The following QDPR variants were observed in gnomAD, a reference collection of about 807,000 sequenced individuals.
QDPR encodes quinoid dihydropteridine reductase.
Under a neutral mutation model 31.7 loss-of-function variants are expected in QDPR, and 23 were observed. The ratio of observed to expected loss-of-function variants is 0.73; its 90% confidence interval spans 0.52 to 1.03. QDPR has a LOEUF of 1.03. QDPR is among the 50% of genes least tolerant of loss of function. QDPR has a pLI of 0.00. For missense variants in QDPR, 324 were observed against 323.8 expected, an observed-to-expected ratio of 1.00 and a Z score of 0.00; for synonymous variants, 124 against 124.7, an observed-to-expected ratio of 0.99 and a Z score of 0.03.
At chr4:17,505,689 A>T (rs779962119) in intron 2 of QDPR, among the ~76,000 whole-genome samples, 1 of 152,184 alleles carries the variant, frequency 6.6e-6, no homozygotes, top group Non-Finnish European at 1.5e-5. Context: ...TCATCTCTAC[A>T]TTTAGTTTTT....
At chr4:17,492,469 A>G in intron 4 of QDPR, 129 bp from the exon 5 acceptor site, 1 of 765,506 alleles carries the variant, frequency 1.3e-6, no homozygotes, top group Non-Finnish European at 2.2e-6. Flanking sequence ...CTCCTCCTTC[A>G]GGTCAGACGC....
chr4:17,487,718 T>G (rs1718018284), intron 6 of QDPR, among the ~76,000 whole-genome samples: 1 of 152,124 alleles, frequency 6.6e-6, no homozygotes, highest in Admixed American at 6.5e-5. Flanking sequence ...ATCCCAGCAC[T>G]TTGAGATGCC....
intron 4 of QDPR, among the ~76,000 whole-genome samples, chr4:17,494,220 T>A (rs373119233): frequency 2.0e-5 from 3 of 150,606 alleles, no homozygotes; most frequent in Admixed American, 6.6e-5. Flanking sequence ...ACAGGGAGGG[T>A]CTCCAAGGAC....
intron 1 of QDPR, chr4:17,510,061 A>C (rs1015507606): frequency 4.7e-6 from 2 of 427,230 alleles, no homozygotes; most frequent in Non-Finnish European, 9.3e-6. Context: ...CTGAAATGTG[A>C]ATTTCATTAA....
At chr4:17,497,118 T>C (rs921038671) in intron 4 of QDPR, among the ~76,000 whole-genome samples, 1 of 152,074 alleles carries the variant, frequency 6.6e-6, no homozygotes, top group Non-Finnish European at 1.5e-5. Context: ...ACAGAATGCT[T>C]CCCAAAGGAC....
intron 2 of QDPR, 51 bp downstream of exon 2, chr4:17,509,220 A>T: frequency 1.5e-6 from 2 of 1,375,608 alleles, no homozygotes; most frequent in Non-Finnish European, 2.1e-6. Context: ...GCCAGTGGTC[A>T]CCTCTCCCCA....
rs1281848293 is a variant in QDPR, at chr4:17,487,153, T to C, written c.713A>G (p.Glu238Gly). The change falls in exon 7 of 7, where the codon GAA becomes GGA. Residue 238 changes from glutamate to glycine, a missense_variant. Transcript: ENST00000281243. ...IQVVTTEGRTELTPAYF is the reference protein window; with the variant it reads ...IQVVTTEGRTGLTPAYF ...GGCCTAAAAATATGCTGGGGTGAGTTCCGTCCTTCCTTCTGTGGTTACCAC... is the reference window on the plus strand; with the variant it reads ...GGCCTAAAAATATGCTGGGGTGAGTCCCGTCCTTCCTTCTGTGGTTACCAC... 1 of 1,614,180 alleles carries C rather than the reference T, an allele frequency of 6.2e-7. No individual in the cohort carries two copies. Among genetic ancestry groups the C allele is most frequent in the Non-Finnish European group, 8.5e-7 (1 of 1,180,012 alleles).
intron 4 of QDPR, among the ~76,000 whole-genome samples, chr4:17,500,114 C>T (rs1220149292): frequency 6.6e-6 from 1 of 152,072 alleles, no homozygotes. Flanking sequence ...CACCATCACG[C>T]CTGGCTAATT....
At chr4:17,510,414 T>C (rs1300824478) in intron 1 of QDPR, among the ~76,000 whole-genome samples, 1 of 152,240 alleles carries the variant, frequency 6.6e-6, no homozygotes, top group African/African-American at 2.4e-5. Context: ...CAGTCCTTAC[T>C]CAGGGTCTCT....
At chr4:17,494,918 T>C (rs142286136) in intron 4 of QDPR, among the ~76,000 whole-genome samples, 3 of 152,308 alleles carry the variant, frequency 2.0e-5, no homozygotes, top group East Asian at 3.9e-4. Context: ...GGAAGGAGAC[T>C]GCATCCAACA....
intron 2 of QDPR, among the ~76,000 whole-genome samples, chr4:17,505,652 G>A (rs1490986625): frequency 1.3e-5 from 2 of 152,176 alleles, no homozygotes; most frequent in African/African-American, 2.4e-5. Flanking sequence ...AGGAGTTCAA[G>A]ACCAGCCCGG....
rs544777803 is a variant in QDPR, at chr4:17,504,194, AG to A, written c.295+184del. Among the ~76,000 whole-genome samples the A allele has an allele frequency of 2.3e-4, 35 of 152,246 alleles. No homozygotes were observed. In the East Asian group the frequency reaches 6.6e-3, roughly 29 times the overall value. ...TGCCCCCCGTCCCCTCACGTCCTCC[AG>A]GGGAAGCTTCTTCTTTATCCGTAAA... On this transcript the variant is annotated intron_variant, in intron 3 of 6. Coordinates refer to ENST00000281243, the MANE Select transcript of QDPR (RefSeq NM_000320.3).
In QDPR at chr4:17,486,714, G is replaced by A. The variant is rs1157722660; in HGVS notation, c.*417C>T. On this transcript the variant is annotated 3_prime_UTR_variant, in exon 7 of 7. Transcript: ENST00000281243. ...TTAAGGCAGTTTAATTCAAGGATGC[G>A]AAAACTACGTCTATGACATAAACAT... 1.4e-5 allele frequency: 3 copies of A among 219,292 alleles called. No homozygotes were observed. The East Asian group carries it at 3.1e-4, about 23-fold the overall frequency. The allele number at this position is 219,292 out of a possible 1,614,324, so 13.6% of individuals were successfully genotyped here. A position where few individuals can be genotyped will look rare whatever the true frequency, so the allele number is the denominator to read the frequency against.
At chr4:17,509,505 C>A (rs905388270) in intron 1 of QDPR, 142 bp from the exon 2 acceptor site, 1 of 720,628 alleles carries the variant, frequency 1.4e-6, no homozygotes. Flanking sequence ...GTGGGAGGAT[C>A]TCTTGAGGCC....
At chr4:17,489,564 T>C (rs1718086094) in intron 6 of QDPR, among the ~76,000 whole-genome samples, 1 of 152,196 alleles carries the variant, frequency 6.6e-6, no homozygotes, top group Non-Finnish European at 1.5e-5. Context: ...ACACCACTTG[T>C]GTCAGATCCC....
chr4:17,487,335 T>G lies in QDPR; in HGVS notation c.630-99A>C, dbSNP rs967363417. 113 of 848,822 alleles carry G rather than the reference T, an allele frequency of 1.3e-4. No individual in the cohort carries two copies. In the African/African-American group the frequency reaches 1.8e-3, roughly 14 times the overall value. 52.6% of individuals were successfully genotyped at this position (848,822 alleles called of 1,614,324 possible). On this transcript the variant is annotated intron_variant, in intron 6 of 6. Transcript: ENST00000281243. ...CGGCTTGTGGGGTGGGGGGAAGGGG[T>G]GGCACAGCAGCGACTGTTTAAAAGC... is the stretch of plus-strand genomic sequence containing the variant.
intron 4 of QDPR, among the ~76,000 whole-genome samples, chr4:17,500,068 C>T (rs1718507175): frequency 6.6e-6 from 1 of 151,964 alleles, no homozygotes; most frequent in Non-Finnish European, 1.5e-5. Context: ...ACTGCAAGCT[C>T]CACCTCCTGG....
chr4:17,492,453 T>C (rs1718202211), intron 4 of QDPR, 113 bp from the exon 5 acceptor site: 1 of 845,450 alleles, frequency 1.2e-6, no homozygotes, highest in Admixed American at 2.0e-5. Context: ...AATAGCTGCA[T>C]CTGGCCTCCT....
chr4:17,510,845 G>A (rs749529078), intron 1 of QDPR, among the ~76,000 whole-genome samples: 1 of 152,210 alleles, frequency 6.6e-6, no homozygotes, highest in African/African-American at 2.4e-5. Flanking sequence ...ACCTGGGAAA[G>A]CGCCCTCATC....
Sources: allele counts gnomAD v4.1 joint callset (sites outside exome capture counted in the v4.1 genomes callset), GRCh38; gene constraint gnomAD v4.1.1; transcripts MANE v1.5; gene names NCBI Gene and HGNC (gene_info 2026-07-23, HGNC 2026-07-21).